The following UBE2C variants were observed in gnomAD, a reference collection of about 807,000 sequenced individuals.
UBE2C encodes ubiquitin conjugating enzyme E2 C.
UBE2C carries 16 observed loss-of-function variants against 23.5 expected under a neutral mutation model. That is an observed-to-expected ratio of 0.68 (90% CI 0.46 to 1.03). The LOEUF (loss-of-function observed/expected upper bound fraction) is 1.03. UBE2C is among the 50% of genes least tolerant of loss of function. UBE2C has a pLI of 0.00. For synonymous variants in UBE2C, 76 were observed against 91.6 expected, an observed-to-expected ratio of 0.83 and a Z score of 0.97; for missense variants, 192 against 227.6, an observed-to-expected ratio of 0.84 and a Z score of 1.01.
chr20:45,816,034 C>T, intron 5 of UBE2C, 121 bp downstream of exon 5: 4 of 962,000 alleles, frequency 4.2e-6, no homozygotes, highest in Non-Finnish European at 6.3e-6. Flanking sequence ...GTGTCGGCAG[C>T]AACCCACTTC....
In UBE2C at chr20:45,816,791, G is replaced by C. The variant is rs576550569; in HGVS notation, c.*24G>C. The C allele has an allele frequency of 3.1e-6, 5 of 1,603,856 alleles. No homozygotes were observed. The highest frequency in any genetic ancestry group is 4.3e-6 in the Non-Finnish European group (5 of 1,176,046). ...GACCCAGGCTGCCCAGCCTGTCCTT[G>C]TGTCGTCTTTTTAATTTTTCCTTAG... is the stretch of plus-strand genomic sequence containing the variant. On this transcript the variant is annotated 3_prime_UTR_variant, in exon 6 of 6. Transcript: ENST00000356455.
intron 2 of UBE2C, among the ~76,000 whole-genome samples, chr20:45,814,144 C>CTA (rs1395322858): frequency 1.2e-3 from 172 of 144,200 alleles, no homozygotes; most frequent in African/African-American, 4.1e-3. Context: ...CTCTCTCTCT[C>CTA]TCTATATATA....
chr20:45,816,496 G>A (rs537781323), intron 5 of UBE2C, among the ~76,000 whole-genome samples: 16 of 152,254 alleles, frequency 1.1e-4, no homozygotes, highest in African/African-American at 3.6e-4. Flanking sequence ...AATTAACCGG[G>A]TATGGTGGTA....
chr20:45,816,036 A>G (rs1056581761), intron 5 of UBE2C, 123 bp downstream of exon 5: 2 of 958,638 alleles, frequency 2.1e-6, no homozygotes, highest in Non-Finnish European at 3.2e-6. Context: ...GTCGGCAGCA[A>G]CCCACTTCTG....
intron 5 of UBE2C, among the ~76,000 whole-genome samples, chr20:45,816,456 T>C (rs1384968502): frequency 6.6e-6 from 1 of 152,072 alleles, no homozygotes; most frequent in Non-Finnish European, 1.5e-5. Context: ...GCCAACATGG[T>C]GAAACCCCGT....
chr20:45,813,175 G>C, intron 1 of UBE2C: 1 of 1,410,712 alleles, frequency 7.1e-7, no homozygotes, highest in Non-Finnish European at 9.2e-7. Flanking sequence ...GGGAGAAGTT[G>C]AGTCGGGCAA....
chr20:45,815,106 G>A lies in UBE2C; in HGVS notation c.217-435G>A, dbSNP rs571286661. Among the ~76,000 whole-genome samples the A allele has an allele frequency of 1.6e-3, 245 of 151,964 alleles. 2 individuals carry two copies. The highest frequency in any genetic ancestry group is 1.6e-3 in the Non-Finnish European group (111 of 67,934). ...CCCGCCTCGGCCTCCCAAAGTGCTG[G>A]GATTACAGGCGTGAGCCACCACGCC... On this transcript the variant is annotated intron_variant, in intron 3 of 5. Transcript: ENST00000356455.
At chr20:45,815,770 C>T (rs1318080332) in intron 4 of UBE2C, 25 bp downstream of exon 4, 8 of 1,611,968 alleles carry the variant, frequency 5.0e-6, no homozygotes, top group Non-Finnish European at 6.8e-6. Flanking sequence ...CACCCCTCCC[C>T]TCCATGCAAC....
chr20:45,812,723 G>T lies in UBE2C; in HGVS notation c.28G>T (p.Ala10Ser), dbSNP rs763421388. 9.7e-6 allele frequency: 15 copies of T among 1,553,196 alleles called. No homozygotes were observed. Among genetic ancestry groups the T allele is most frequent in the Non-Finnish European group, 1.2e-5 (14 of 1,148,334 alleles). MASQNRDPA[A>S]TSVAAARKGA... ...GGCTTCCCAAAACCGCGACCCAGCC[G>T]CCACTAGCGTCGCCGCCGCCCGTAA... Residue 10 changes from alanine (A) to serine (S), a missense_variant, in exon 1 of 6, where the codon GCC (alanine) becomes TCC (serine). Physicochemically the swap from Ala to Ser is moderately conservative, Grantham distance 99. Transcript: ENST00000356455.
In UBE2C at chr20:45,812,712, G is replaced by C; in HGVS notation, c.17G>C (p.Arg6Pro). Reference sequence around the variant, plus strand: ...GCCGCCCGGATGGCTTCCCAAAACCGCGACCCAGCCGCCACTAGCGTCGCC... The same window carrying C: ...GCCGCCCGGATGGCTTCCCAAAACCCCGACCCAGCCGCCACTAGCGTCGCC... MASQN[R>P]DPAATSVAAA... Residue 6 changes from arginine (R) to proline (P), a missense_variant, in exon 1 of 6, where the codon CGC (arginine) becomes CCC (proline). Transcript: ENST00000356455. 6.4e-7 allele frequency: 1 copy of C among 1,551,412 alleles called. No homozygotes were observed. Among genetic ancestry groups the C allele is most frequent in the East Asian group, 2.4e-5 (1 of 40,964 alleles).
At position 45,812,735 on chromosome 20, in the gene UBE2C, G is replaced by T. The variant is rs766882355; in HGVS notation, c.40G>T (p.Ala14Ser). ...CCGCGACCCAGCCGCCACTAGCGTC[G>T]CCGCCGCCCGTAAAGGAGCTGAGCC... ...QNRDPAATSV[A>S]AARKGAEPSG... The change falls in exon 1 of 6, where the codon GCC (alanine) becomes TCC (serine). Residue 14 changes from alanine (A) to serine (S), a missense_variant. Ala to Ser is a moderately conservative substitution (Grantham distance 99). Transcript: ENST00000356455. The T allele has an allele frequency of 6.4e-7, 1 of 1,554,444 alleles. No homozygotes were observed. The highest frequency in any genetic ancestry group is 1.9e-5 in the Admixed American group (1 of 51,420).
intron 2 of UBE2C, among the ~76,000 whole-genome samples, 159 bp from the exon 3 acceptor site, chr20:45,814,221 CATAT>C (rs71181863): frequency 7.0e-6 from 1 of 142,824 alleles, no homozygotes; most frequent in Non-Finnish European, 1.5e-5. Flanking sequence ...TATATATACA[CATAT>C]ATATGTGTGT....
chr20:45,816,494 G>A (rs527910718), intron 5 of UBE2C, among the ~76,000 whole-genome samples: 8 of 152,222 alleles, frequency 5.3e-5, no homozygotes, highest in African/African-American at 9.6e-5. Flanking sequence ...AAAATTAACC[G>A]GGTATGGTGG....
At position 45,813,433 on chromosome 20, in the gene UBE2C, T is replaced by A; in HGVS notation, c.102-4T>A. 6.2e-7 allele frequency: 1 copy of A among 1,614,132 alleles called. No homozygotes were observed. The highest frequency in any genetic ancestry group is 1.1e-5 in the South Asian group (1 of 91,076). On this transcript the variant is annotated splice_polypyrimidine_tract_variant and splice_region_variant and intron_variant, in intron 1 of 5. Transcript: ENST00000356455. ...CCAGGTAACCCCGAATACTCTTTTT[T>A]CAGGCTACAGCAGGAGCTGATGACC...
Position 45,813,501 on chromosome 20 carries a change from C to A in UBE2C, c.129+37C>A, listed in dbSNP as rs752511608. 3.3e-5 allele frequency: 54 copies of A among 1,613,902 alleles called. 1 individual carries two copies. The highest frequency in any genetic ancestry group is 1.6e-4 in the Middle Eastern group (1 of 6,080). On this transcript the variant is annotated intron_variant, in intron 2 of 5. Transcript: ENST00000356455. ...AGTGCCCAGAACCCCAGCCTTCCAT[C>A]CAATTTTCAGTAGCCTCCTTTTTTC...
At chr20:45,815,438 C>G (rs774815934) in intron 3 of UBE2C, 103 bp from the exon 4 acceptor site, 1 of 1,614,044 alleles carries the variant, frequency 6.2e-7, no homozygotes, top group Non-Finnish European at 8.5e-7. Context: ...ACTGTCCGGT[C>G]CCAGAGAAAC....
At position 45,812,898 on chromosome 20, in the gene UBE2C, C is replaced by T; in HGVS notation, c.101+102C>T. ...CACCCCCCGCCGCCACCTCCTGGAG[C>T]GGGAGATCTGCGGGTGCAGGAGAAC... On this transcript the variant is annotated intron_variant, in intron 1 of 5. Transcript: ENST00000356455. 3 of 1,449,860 alleles carry T rather than the reference C, an allele frequency of 2.1e-6. No individual in the cohort carries two copies. In the South Asian group the frequency reaches 4.2e-5, roughly 20 times the overall value. 89.8% of individuals were successfully genotyped at this position (1,449,860 alleles called of 1,614,324 possible).
chr20:45,813,902 C>T (rs921747932), intron 2 of UBE2C, among the ~76,000 whole-genome samples: 2 of 151,980 alleles, frequency 1.3e-5, no homozygotes, highest in African/African-American at 2.4e-5. Flanking sequence ...GTCAGGAGTT[C>T]GAGACCAGCC....
At chr20:45,815,953 C>A (rs1437754045) in intron 5 of UBE2C, 40 bp downstream of exon 5, 3 of 1,606,976 alleles carry the variant, frequency 1.9e-6, no homozygotes, top group African/African-American at 1.3e-5. Context: ...ATCCCTCCCC[C>A]AACCTTCAAA....
Sources: allele counts gnomAD v4.1 joint callset (sites outside exome capture counted in the v4.1 genomes callset), GRCh38; gene constraint gnomAD v4.1.1; transcripts MANE v1.5; gene names NCBI Gene and HGNC (gene_info 2026-07-23, HGNC 2026-07-21).